Variants in CPEB3 observed in about 807,000 individuals in gnomAD.
CPEB3 encodes the protein cytoplasmic polyadenylation element-binding protein 3.
Under a neutral mutation model 67.2 loss-of-function variants are expected in CPEB3, and 20 were observed. The observed-to-expected ratio is 0.30, with a 90% CI of 0.21 to 0.43. The LOEUF (loss-of-function observed/expected upper bound fraction) is 0.43. Ranked by LOEUF, CPEB3 falls within the 20% of genes least tolerant of loss-of-function variation. The pLI, the probability that CPEB3 is intolerant of heterozygous loss-of-function variation, is 1.00. For synonymous variants in CPEB3, 376 were observed against 393.1 expected (o/e 0.96, Z 0.51); for missense variants, 746 against 968.6 (o/e 0.77, Z 3.05).
At chr10:92,170,986 A>G (rs913574745) in intron 4 of CPEB3, among the ~76,000 whole-genome samples, 9 of 152,188 alleles carry the variant, frequency 5.9e-5, no homozygotes, top group Admixed American at 3.9e-4. Context: ...TGAACTCCCA[A>G]ATAACATAAG....
chr10:92,223,905 C>T (rs139181322), intron 2 of CPEB3, among the ~76,000 whole-genome samples: 7,317 of 152,042 alleles, frequency 0.048, 271 homozygotes, highest in Non-Finnish European at 0.074. Context: ...CCTGCCACCA[C>T]ACCCGGCTAA....
chr10:92,194,000 G>A (rs1227417331), intron 2 of CPEB3, among the ~76,000 whole-genome samples: 1 of 151,696 alleles, frequency 6.6e-6, no homozygotes, highest in African/African-American at 2.4e-5. Flanking sequence ...GTTTCACCGT[G>A]TTAGACAGGA....
Position 92,173,526 on chromosome 10 carries a change from T to C in CPEB3, c.1222+7437A>G, listed in dbSNP as rs183394412. On this transcript the variant is annotated intron_variant, in intron 4 of 9. Transcript: ENST00000265997. ...AATAATAATAATAGAGAAACTATTT[T>C]CCCAAAGACACCGAATTTGCATGTT... Among the ~76,000 whole-genome samples, 393 of 152,290 alleles carry C rather than the reference T, an allele frequency of 2.6e-3. 1 individual carries two copies. Among genetic ancestry groups the C allele is most frequent in the African/African-American group, 9.2e-3 (381 of 41,558 alleles).
intron 2 of CPEB3, among the ~76,000 whole-genome samples, chr10:92,230,747 A>C (rs1485614326): frequency 2.0e-5 from 3 of 152,228 alleles, no homozygotes; most frequent in African/African-American, 7.2e-5. Flanking sequence ...GCTACCCACA[A>C]GGTATAAGGA....
At chr10:92,169,322 A>G (rs1281973489) in intron 4 of CPEB3, among the ~76,000 whole-genome samples, 1 of 151,986 alleles carries the variant, frequency 6.6e-6, no homozygotes, top group East Asian at 1.9e-4. Context: ...TATTTTTAGT[A>G]AAGACAGGGT....
At chr10:92,216,437 C>G in intron 2 of CPEB3, 1 of 1,612,658 alleles carries the variant, frequency 6.2e-7, no homozygotes, top group Non-Finnish European at 8.5e-7. Context: ...CCCCATCGCG[C>G]AGCTCCTGGC....
chr10:92,214,787 A>G (rs564588202), intron 2 of CPEB3, among the ~76,000 whole-genome samples: 18 of 151,900 alleles, frequency 1.2e-4, no homozygotes, highest in African/African-American at 4.1e-4. Flanking sequence ...TGCCTGGCTC[A>G]AATTTATTTT....
chr10:92,071,950 C>T (rs916853130), intron 9 of CPEB3, among the ~76,000 whole-genome samples: 4 of 152,098 alleles, frequency 2.6e-5, no homozygotes, highest in African/African-American at 9.7e-5. Context: ...AAAAATACCA[C>T]TAGAACAGAA....
At chr10:92,063,095 T>C (rs1456497627) in intron 9 of CPEB3, among the ~76,000 whole-genome samples, 3 of 152,230 alleles carry the variant, frequency 2.0e-5, no homozygotes, top group Non-Finnish European at 4.4e-5. Flanking sequence ...GAATAATATA[T>C]TTAGAATGCT....
At chr10:92,286,595 A>C (rs928967914) in intron 1 of CPEB3, among the ~76,000 whole-genome samples, 5 of 151,962 alleles carry the variant, frequency 3.3e-5, no homozygotes, top group Admixed American at 1.3e-4. Flanking sequence ...AAAAAAAAAA[A>C]AAAAAACATA....
At chr10:92,060,840 T>TTA (rs1341470707) in intron 9 of CPEB3, among the ~76,000 whole-genome samples, 1 of 152,118 alleles carries the variant, frequency 6.6e-6, no homozygotes, top group African/African-American at 2.4e-5. Flanking sequence ...TTAAAATGGT[T>TTA]TATATCCAAA....
In CPEB3 at chr10:92,074,855, T is replaced by C. The variant is rs565870079; in HGVS notation, c.1869+6465A>G. Among the ~76,000 whole-genome samples the C allele has an allele frequency of 3.6e-4, 55 of 152,290 alleles. No homozygotes were observed. In the Middle Eastern group the frequency reaches 0.014, roughly 38 times the overall value. On this transcript the variant is annotated intron_variant, in intron 9 of 9. Coordinates refer to ENST00000265997, the MANE Select transcript of CPEB3 (RefSeq NM_014912.5). ...ACTTGGAGATGGGATAAAAGTGAAT[T>C]GGGGAGCCATAGGGGAAGATATGCT... is the stretch of plus-strand genomic sequence containing the variant.
In CPEB3 at chr10:92,070,604, C is replaced by T. The variant is rs113745704; in HGVS notation, c.1869+10716G>A. 2.3e-3 allele frequency among the ~76,000 whole-genome samples: 345 copies of T among 152,066 alleles called. 1 individual carries two copies. Among genetic ancestry groups the T allele is most frequent in the African/African-American group, 7.4e-3 (306 of 41,466 alleles). On this transcript the variant is annotated intron_variant, in intron 9 of 9. Transcript: ENST00000265997. The stretch of plus-strand genomic sequence containing the variant: ...ACAGCCTGGTCAACATGGAGAAACC[C>T]TGTCTCCATTAAAAATACAAAAATT...
chr10:92,085,941 G>T (rs1843352440), intron 8 of CPEB3, among the ~76,000 whole-genome samples: 1 of 152,084 alleles, frequency 6.6e-6, no homozygotes, highest in Admixed American at 6.6e-5. Context: ...ATGTGAAAGG[G>T]TCTTTAGTTC....
chr10:92,167,550 A>G (rs1422248723), intron 4 of CPEB3, among the ~76,000 whole-genome samples: 2 of 152,170 alleles, frequency 1.3e-5, no homozygotes, highest in Non-Finnish European at 2.9e-5. Context: ...ACAGAACACA[A>G]CATTTATCAA....
intron 4 of CPEB3, among the ~76,000 whole-genome samples, chr10:92,178,788 G>A (rs1447060063): frequency 6.6e-6 from 1 of 152,162 alleles, no homozygotes; most frequent in Non-Finnish European, 1.5e-5. Context: ...GGGATCAACT[G>A]TACAAAAAGG....
chr10:92,166,485 C>T (rs1037012666), intron 4 of CPEB3, among the ~76,000 whole-genome samples: 3 of 152,216 alleles, frequency 2.0e-5, no homozygotes, highest in Middle Eastern at 3.4e-3. Flanking sequence ...GAATGGATGA[C>T]GTATTAGCAG....
At chr10:92,256,615 G>A (rs1852527030) in intron 1 of CPEB3, among the ~76,000 whole-genome samples, 2 of 152,002 alleles carry the variant, frequency 1.3e-5, no homozygotes, top group South Asian at 4.1e-4. Context: ...TCGATCTCTT[G>A]ACCTCGTGAT....
chr10:92,234,604 T>C (rs1476369077), intron 2 of CPEB3, among the ~76,000 whole-genome samples: 2 of 152,152 alleles, frequency 1.3e-5, no homozygotes, highest in Non-Finnish European at 2.9e-5. Flanking sequence ...ACAGTGTAAA[T>C]GCACTGAACC....
Sources: allele counts gnomAD v4.1 joint callset (sites outside exome capture counted in the v4.1 genomes callset), GRCh38; gene constraint gnomAD v4.1.1; transcripts MANE v1.5; gene names NCBI Gene and HGNC (gene_info 2026-07-23, HGNC 2026-07-21).